WWP2: variants seen among roughly 807,000 people sequenced by gnomAD.
The protein encoded by WWP2 is WW domain containing E3 ubiquitin protein ligase 2, also known as NEDD4-like E3 ubiquitin-protein ligase WWP2.
In WWP2, 57 loss-of-function variants were observed where a neutral mutation model predicts 121.0. The observed-to-expected ratio is 0.47, with a 90% CI of 0.38 to 0.59. WWP2 has a LOEUF of 0.59. Ranked by LOEUF, WWP2 falls within the 20% of genes least tolerant of loss-of-function variation. The pLI, the probability that WWP2 is intolerant of heterozygous loss-of-function variation, is 0.00. For missense variants in WWP2, 962 were observed against 1,158.9 expected (o/e 0.83, Z 2.47); for synonymous variants, 449 against 441.3 (o/e 1.02, Z -0.22).
chr16:69,803,366 A>C, intron 4 of WWP2, among the ~76,000 whole-genome samples: 1 of 149,728 alleles, frequency 6.7e-6, no homozygotes, highest in Admixed American at 6.6e-5. Flanking sequence ...GAACATTTAC[A>C]TAAAAAAAAC....
chr16:69,930,218 A>G lies in WWP2; in HGVS notation c.1405A>G (p.Thr469Ala). ...ATACTTTGTGGACCACAATACCCGC[A>G]CCACCACCTTTAAGGATCCTCGCCC... The part of the protein sequence containing the change: ...VRYFVDHNTR[T>A]TTFKDPRPGF... The change falls in exon 13 of 24, where the codon ACC (threonine) becomes GCC (alanine). Residue 469 changes from threonine (T) to alanine (A), a missense_variant. By Grantham distance (58) the Thr-to-Ala change is moderately conservative. This residue lies in a region of WWP2 where 606 missense variants were observed against 772.6 expected (regional missense o/e 0.78). Transcript: ENST00000359154. The G allele has an allele frequency of 6.2e-7, 1 of 1,614,090 alleles. No homozygotes were observed. Among genetic ancestry groups the G allele is most frequent in the Non-Finnish European group, 8.5e-7 (1 of 1,179,988 alleles).
chr16:69,925,342 T>C lies in WWP2; in HGVS notation c.1180-88T>C, dbSNP rs1468711552. 1.2e-5 allele frequency: 19 copies of C among 1,576,008 alleles called. No homozygotes were observed. The South Asian group carries it at 1.9e-4, about 15-fold the overall frequency. On this transcript the variant is annotated intron_variant, in intron 10 of 23. Coordinates refer to ENST00000359154, the MANE Select transcript of WWP2 (RefSeq NM_001270454.2). The surrounding 1 kb of genome is among the most constrained non-coding windows in gnomAD (Gnocchi z 4.0). ...AGCGCTCAAATGTGGAAGCCAGTCA[T>C]TGGCATTTTTATTTTTTATTGATTG...
At chr16:69,915,088 G>A (rs1022877025) in intron 9 of WWP2, among the ~76,000 whole-genome samples, 1 of 152,258 alleles carries the variant, frequency 6.6e-6, no homozygotes, top group African/African-American at 2.4e-5. Flanking sequence ...AGATGAGGGA[G>A]AGATGTGGCC....
intron 1 of WWP2, among the ~76,000 whole-genome samples, chr16:69,768,369 G>A (rs2038778328): frequency 6.6e-6 from 1 of 152,130 alleles, no homozygotes; most frequent in Non-Finnish European, 1.5e-5. Context: ...AGCACTTTAG[G>A]AGGCCGAGGT....
intron 4 of WWP2, among the ~76,000 whole-genome samples, chr16:69,822,804 T>C (rs1327002456): frequency 6.6e-6 from 1 of 152,116 alleles, no homozygotes; most frequent in Non-Finnish European, 1.5e-5. Context: ...TTGAGGTGTG[T>C]GTATAATTTA....
At chr16:69,867,150 T>TA (rs2057541033) in intron 6 of WWP2, among the ~76,000 whole-genome samples, 1 of 152,048 alleles carries the variant, frequency 6.6e-6, no homozygotes, top group Admixed American at 6.6e-5. Flanking sequence ...CTTTTTTTTT[T>TA]TTTTTTTAAA....
At chr16:69,852,486 T>C (rs1441210019) in intron 6 of WWP2, among the ~76,000 whole-genome samples, 3 of 152,116 alleles carry the variant, frequency 2.0e-5, no homozygotes, top group Non-Finnish European at 2.9e-5. Context: ...GTTGGCCAGG[T>C]TGGTCTCGAA....
chr16:69,847,947 T>G lies in WWP2; in HGVS notation c.575+5827T>G, dbSNP rs149664432. Among the ~76,000 whole-genome samples the G allele has an allele frequency of 1.0e-3, 158 of 152,292 alleles. 1 individual carries two copies. In the East Asian group the frequency reaches 0.015, roughly 14 times the overall value. On this transcript the variant is annotated intron_variant, in intron 6 of 23. Coordinates refer to ENST00000359154, the MANE Select transcript of WWP2 (RefSeq NM_001270454.2). The stretch of plus-strand genomic sequence containing the variant: ...TTGGAATGAAGCCCACAGGACTGTC[T>G]GTGAGTGGAGCTGCTCCTCCTAGCA...
intron 8 of WWP2, among the ~76,000 whole-genome samples, chr16:69,901,650 T>C (rs2058207376): frequency 6.6e-6 from 1 of 152,292 alleles, no homozygotes; most frequent in East Asian, 1.9e-4. Flanking sequence ...TGGATTTTGA[T>C]TGAGTTAGCT....
At chr16:69,852,463 T>G (rs2057235394) in intron 6 of WWP2, among the ~76,000 whole-genome samples, 2 of 152,106 alleles carry the variant, frequency 1.3e-5, no homozygotes, top group African/African-American at 4.8e-5. Flanking sequence ...AAGTAGAAAC[T>G]GGGTTTCACC....
At chr16:69,787,682 T>G (rs1597665554) in intron 2 of WWP2, among the ~76,000 whole-genome samples, 1 of 152,234 alleles carries the variant, frequency 6.6e-6, no homozygotes, top group South Asian at 2.1e-4. Flanking sequence ...CCTAGGTGCT[T>G]CTTCCAACCT....
At chr16:69,919,373 G>T (rs1200088771) in intron 10 of WWP2, among the ~76,000 whole-genome samples, 2 of 152,180 alleles carry the variant, frequency 1.3e-5, no homozygotes, top group East Asian at 3.9e-4. Context: ...CACCATGTTA[G>T]TCAGGCTGGT....
chr16:69,813,962 A>G (rs1330278128), intron 4 of WWP2, among the ~76,000 whole-genome samples: 1 of 152,174 alleles, frequency 6.6e-6, no homozygotes, highest in African/African-American at 2.4e-5. Context: ...TGGCATTAAG[A>G]TCATCAGCTA....
chr16:69,786,442 CTTTTTTTTTTTTT>C (rs957224996), intron 1 of WWP2, among the ~76,000 whole-genome samples: 7 of 85,406 alleles, frequency 8.2e-5, no homozygotes, highest in African/African-American at 4.2e-4. Context: ...CCCAGCCAAT[CTTTTTTTTTTTTT>C]TTTTTTTTTT....
intron 8 of WWP2, among the ~76,000 whole-genome samples, chr16:69,894,402 C>T (rs1306375530): frequency 6.6e-6 from 1 of 152,254 alleles, no homozygotes; most frequent in East Asian, 1.9e-4. Context: ...TTGAAATATG[C>T]AGCAGATGAG....
intron 8 of WWP2, among the ~76,000 whole-genome samples, chr16:69,893,214 G>A (rs185474353): frequency 6.6e-6 from 1 of 152,274 alleles, no homozygotes; most frequent in Admixed American, 6.5e-5. Context: ...GAAGAAGTGT[G>A]TCCTTCCTCT....
At chr16:69,833,183 G>C (rs1179494286) in intron 4 of WWP2, among the ~76,000 whole-genome samples, 3 of 152,228 alleles carry the variant, frequency 2.0e-5, no homozygotes, top group Non-Finnish European at 4.4e-5. Context: ...GTTTGTCTGA[G>C]TCAGGAACCA....
intron 4 of WWP2, among the ~76,000 whole-genome samples, chr16:69,826,893 C>T (rs1325340116): frequency 1.4e-5 from 2 of 140,508 alleles, no homozygotes; most frequent in South Asian, 2.4e-4. Flanking sequence ...AAGCCGAGAT[C>T]GTGCCACTGC....
intron 6 of WWP2, among the ~76,000 whole-genome samples, chr16:69,844,383 T>C (rs948066604): frequency 7.2e-5 from 11 of 152,354 alleles, no homozygotes; most frequent in African/African-American, 2.6e-4. Context: ...TTTCACTCTT[T>C]AGAGAGTGAT....
Sources: allele counts gnomAD v4.1 joint callset (sites outside exome capture counted in the v4.1 genomes callset), GRCh38; gene constraint gnomAD v4.1.1; regional missense constraint gnomAD v4.1.1; non-coding constraint Gnocchi (gnomAD v3.1); transcripts MANE v1.5; gene names NCBI Gene and HGNC (gene_info 2026-07-23, HGNC 2026-07-21).